The following MYH11 variants were observed in gnomAD, a reference collection of about 807,000 sequenced individuals.
MYH11 encodes the protein myosin-11.
MYH11 carries 80 observed loss-of-function variants against 246.6 expected under a neutral mutation model. The ratio of observed to expected loss-of-function variants is 0.32; its 90% confidence interval spans 0.27 to 0.39. MYH11 has a LOEUF of 0.39. MYH11 is among the 10% of genes least tolerant of loss of function. The pLI is 1.00. For synonymous variants in MYH11, 1,071 were observed against 1,015.5 expected (o/e 1.05, Z -1.04); for missense variants, 2,158 against 2,546.8 (o/e 0.85, Z 3.29).
intron 1 of MYH11, among the ~76,000 whole-genome samples, chr16:15,838,583 G>A (rs2043968189): frequency 6.6e-6 from 1 of 152,174 alleles, no homozygotes; most frequent in Non-Finnish European, 1.5e-5. Context: ...AGTAGGGCTG[G>A]ACAAGGTGGC....
At chr16:15,789,089 T>C (rs2042551015) in intron 4 of MYH11, among the ~76,000 whole-genome samples, 1 of 152,076 alleles carries the variant, frequency 6.6e-6, no homozygotes, top group Admixed American at 6.6e-5. Context: ...GCTTCCATGT[T>C]ATTATAGAAG....
At chr16:15,785,008 A>ATTTTTTT (rs398028825) in intron 5 of MYH11, 16,324 of 96,986 alleles carry the variant, frequency 0.17, 2,697 homozygotes, top group East Asian at 0.24. Context: ...AATTCTCTTG[A>ATTTTTTT]TTTTTTTTTT....
intron 4 of MYH11, among the ~76,000 whole-genome samples, chr16:15,788,728 C>A (rs1467665492): frequency 6.6e-6 from 1 of 151,546 alleles, no homozygotes; most frequent in Non-Finnish European, 1.5e-5. Context: ...GCCTCAGAGG[C>A]AGTTTATGAA....
rs529718944 is a variant in MYH11, at chr16:15,717,133, C to A, written c.5504+7G>T. ...CAAACTGGGTTCGGAACTCCACACC[C>A]GCATACCTGGCCTCCTGCTCGACCT... On this transcript the variant is annotated splice_region_variant and intron_variant, in intron 38 of 40. Transcript: ENST00000300036. The A allele has an allele frequency of 2.2e-5, 36 of 1,614,014 alleles. No homozygotes were observed. The highest frequency in any genetic ancestry group is 3.3e-5 in the Admixed American group (2 of 60,000).
intron 40 of MYH11, among the ~76,000 whole-genome samples, chr16:15,712,192 T>C (rs2039840550): frequency 6.6e-6 from 1 of 152,142 alleles, no homozygotes; most frequent in Non-Finnish European, 1.5e-5. Flanking sequence ...GCAGCATGTT[T>C]GGTGTGAGCT....
chr16:15,838,963 C>T (rs911911508), intron 1 of MYH11, among the ~76,000 whole-genome samples: 5 of 151,796 alleles, frequency 3.3e-5, no homozygotes, highest in South Asian at 2.1e-4. Context: ...AGTCCTCATA[C>T]GATTAAACAT....
chr16:15,773,533 G>T (rs888473875), intron 8 of MYH11, among the ~76,000 whole-genome samples: 1 of 151,928 alleles, frequency 6.6e-6, no homozygotes, highest in Non-Finnish European at 1.5e-5. Flanking sequence ...TGATCCACCC[G>T]CCTCAGCCTC....
In MYH11 at chr16:15,741,851, A is replaced by C. The variant is rs2041283522; in HGVS notation, c.2561T>G (p.Met854Arg). ...CTGCAGTTCATCCTCCTTGGCCTGC[A>C]TCTCCTCCTCCTGCCGTGTCACCTG... ...LLQVTRQEEE[M>R]QAKEDELQKT... Residue 854 changes from methionine to arginine, a missense_variant, in exon 21 of 41, where the codon ATG becomes AGG. Physicochemically the swap from Met to Arg is moderately conservative, Grantham distance 91. This residue lies in a region of MYH11 where 90 missense variants were observed against 144.2 expected (regional missense o/e 0.62). Coordinates refer to ENST00000300036, the MANE Select transcript of MYH11 (RefSeq NM_002474.3). 6.2e-7 allele frequency: 1 copy of C among 1,614,132 alleles called. No individual in the cohort carries two copies. The highest frequency in any genetic ancestry group is 8.5e-7 in the Non-Finnish European group (1 of 1,180,032).
At chr16:15,743,050 T>C (rs1046678859) in intron 20 of MYH11, among the ~76,000 whole-genome samples, 7 of 151,654 alleles carry the variant, frequency 4.6e-5, no homozygotes, top group African/African-American at 1.7e-4. Context: ...GCCATCATTT[T>C]AATAGCTGAA....
intron 10 of MYH11, among the ~76,000 whole-genome samples, chr16:15,760,976 C>T (rs931178649): frequency 6.6e-6 from 1 of 152,180 alleles, no homozygotes; most frequent in African/African-American, 2.4e-5. Context: ...AAGCTCTTTA[C>T]CCTCCCAGCA....
chr16:15,717,962 G>A (rs2040253529), intron 37 of MYH11: 1 of 390,434 alleles, frequency 2.6e-6, no homozygotes, highest in Non-Finnish European at 4.9e-6. Flanking sequence ...TGGAACTAGT[G>A]CTCAGTGACA....
At chr16:15,812,093 C>G (rs1000616061) in intron 3 of MYH11, among the ~76,000 whole-genome samples, 1 of 152,198 alleles carries the variant, frequency 6.6e-6, no homozygotes, top group Non-Finnish European at 1.5e-5. Context: ...GAGATGAAGA[C>G]AGTAGACAGC....
chr16:15,842,377 C>T (rs752903674), intron 1 of MYH11, among the ~76,000 whole-genome samples: 6 of 151,762 alleles, frequency 4.0e-5, no homozygotes, highest in Non-Finnish European at 8.8e-5. Flanking sequence ...GCAGTAAGAG[C>T]GAAACTCAGT....
rs1432299511 is a variant in MYH11, at chr16:15,837,991, C to T, written c.262G>A (p.Glu88Lys). 1.2e-6 allele frequency: 2 copies of T among 1,614,168 alleles called. No homozygotes were observed. The change falls in exon 2 of 41, where the codon GAG becomes AAG. Residue 88 changes from glutamate to lysine, a missense_variant. Physicochemically the swap from Glu to Lys is moderately conservative, Grantham distance 56 (BLOSUM62 1). Transcript: ENST00000300036. ...AGGCACGTCAGCTCCGCCATGTCCT[C>T]CACCTTGGAGAACTTGGGTGGGTTC... Reference protein sequence around the residue: ...KMNPPKFSKVEDMAELTCLNE... With the variant: ...KMNPPKFSKVKDMAELTCLNE...
rs768566847 is a variant in MYH11, at chr16:15,704,113, C to T, written c.5797G>A (p.Glu1933Lys). 14 of 1,614,042 alleles carry T rather than the reference C, an allele frequency of 8.7e-6. No individual in the cohort carries two copies. Among genetic ancestry groups the T allele is most frequent in the Middle Eastern group, 1.7e-4 (1 of 6,058 alleles). The change falls in exon 41 of 41, where the codon GAG (glutamate) becomes AAG (lysine). Residue 1933 changes from glutamate (E) to lysine (K), a missense_variant. Transcript: ENST00000300036. Reference sequence around the variant, plus strand: ...CTTCTAGAAGGAACGAAAGAGGTCTCGTTTCCTCGCCTGTGGGTTGTAAGA... The same window carrying T: ...CTTCTAGAAGGAACGAAAGAGGTCTTGTTTCCTCGCCTGTGGGTTGTAAGA... The part of the protein sequence containing the change: ...ALKSKLRRGN[E>K]TSFVPSRRSG...
rs1387518277 is a variant in MYH11, at chr16:15,737,484, G to C, written c.3258C>G (p.Ala1086=). ...AQIAELKMQL[A]KKEEELQAAL... ...CCGCCTGCAGCTCCTCCTCCTTCTTGGCCAGCTGCATCTTGAGCTCTGCGA... is the reference window on the plus strand; with the variant it reads ...CCGCCTGCAGCTCCTCCTCCTTCTTCGCCAGCTGCATCTTGAGCTCTGCGA... The change falls in exon 25 of 41, where the codon GCC becomes GCG. Residue 1086 remains alanine, a synonymous_variant. Transcript: ENST00000300036. The C allele has an allele frequency of 6.2e-7, 1 of 1,613,734 alleles. No individual in the cohort carries two copies.
At chr16:15,718,983 C>G (rs1341146700) in intron 36 of MYH11, 1 of 534,522 alleles carries the variant, frequency 1.9e-6, no homozygotes, top group Non-Finnish European at 3.4e-6. Flanking sequence ...TAAAAATTAG[C>G]CAGGCATGGT....
intron 14 of MYH11, among the ~76,000 whole-genome samples, chr16:15,755,897 C>A (rs1382052481): frequency 5.3e-5 from 8 of 152,180 alleles, no homozygotes; most frequent in Admixed American, 2.6e-4. Context: ...CGCCATTGCA[C>A]TCCAGCCTGG....
chr16:15,784,908 A>C, intron 5 of MYH11: 2 of 631,992 alleles, frequency 3.2e-6, no homozygotes, highest in Non-Finnish European at 2.8e-6. Flanking sequence ...ATCACAGCTC[A>C]CTGCAGTCTC....
Sources: gnomAD v4.1 joint callset for allele counts (sites outside exome capture counted in the v4.1 genomes callset) on GRCh38, gnomAD v4.1.1 for gene constraint, gnomAD v4.1.1 regional missense constraint, MANE v1.5 for transcripts, NCBI Gene and HGNC (gene_info 2026-07-23, HGNC 2026-07-21) for gene names.